The following PCCA variants were observed in gnomAD, a reference collection of about 807,000 sequenced individuals.
PCCA encodes propionyl-CoA carboxylase subunit alpha.
In PCCA, 74 loss-of-function variants were observed where a neutral mutation model predicts 101.3. The ratio of observed to expected loss-of-function variants is 0.73; its 90% CI spans 0.61 to 0.89. The LOEUF (loss-of-function observed/expected upper bound fraction) is 0.89, where lower values mean the gene tolerates loss of function less well. Among genes scored for constraint, PCCA ranks in the 40% least tolerant of loss-of-function variants. The probability of loss-of-function intolerance (pLI) is 0.00; values close to 1 mark genes in which losing one functional copy is unlikely to be tolerated. For synonymous variants in PCCA, 294 were observed against 313.6 expected, an observed-to-expected ratio of 0.94 and a Z score of 0.66; for missense variants, 891 against 907.0, an observed-to-expected ratio of 0.98 and a Z score of 0.23.
intron 1 of PCCA, among the ~76,000 whole-genome samples, chr13:100,097,159 A>C (rs534283752): frequency 3.0e-4 from 46 of 152,290 alleles, no homozygotes; most frequent in Admixed American, 1.4e-3. Flanking sequence ...CAAGGTCGCT[A>C]TTGTGTGATT....
intron 21 of PCCA, among the ~76,000 whole-genome samples, chr13:100,505,420 G>A (rs1191720711): frequency 5.3e-5 from 8 of 152,164 alleles, no homozygotes; most frequent in Non-Finnish European, 1.0e-4. Flanking sequence ...CTCTGAACAC[G>A]GAATCAACTT....
At chr13:100,115,631 A>G (rs774728065) in intron 4 of PCCA, among the ~76,000 whole-genome samples, 3 of 152,212 alleles carry the variant, frequency 2.0e-5, no homozygotes, top group African/African-American at 4.8e-5. Context: ...GCTGAAATGT[A>G]GATGCAGTAC....
chr13:100,308,869 A>C (rs963051345), intron 15 of PCCA, among the ~76,000 whole-genome samples: 2 of 152,204 alleles, frequency 1.3e-5, no homozygotes, highest in African/African-American at 4.8e-5. Context: ...TATAACTGCC[A>C]GAAAAATCTT....
At chr13:100,347,446 C>T (rs1249418168) in intron 18 of PCCA, among the ~76,000 whole-genome samples, 1 of 152,100 alleles carries the variant, frequency 6.6e-6, no homozygotes, top group Non-Finnish European at 1.5e-5. Context: ...CTTGTGAAAA[C>T]CTTTTTCCTA....
At chr13:100,152,082 G>A (rs2152376924) in intron 4 of PCCA, among the ~76,000 whole-genome samples, 1 of 152,254 alleles carries the variant, frequency 6.6e-6, no homozygotes, top group African/African-American at 2.4e-5. Context: ...GTTCTTTCCA[G>A]GTTGACTCTT....
chr13:100,115,030 G>A (rs1232730775), intron 4 of PCCA, among the ~76,000 whole-genome samples: 1 of 152,190 alleles, frequency 6.6e-6, no homozygotes, highest in Non-Finnish European at 1.5e-5. Context: ...GGCAACTTAA[G>A]TATCCATCAA....
At chr13:100,482,461 G>A (rs1296382691) in intron 21 of PCCA, among the ~76,000 whole-genome samples, 1 of 152,186 alleles carries the variant, frequency 6.6e-6, no homozygotes, top group Non-Finnish European at 1.5e-5. Flanking sequence ...TGAGAAGAGC[G>A]CTGTCTTGTG....
intron 21 of PCCA, among the ~76,000 whole-genome samples, chr13:100,487,479 T>C (rs1346053089): frequency 6.6e-6 from 1 of 152,232 alleles, no homozygotes; most frequent in Non-Finnish European, 1.5e-5. Context: ...GTTGATTGTG[T>C]GTGTGGTGTG....
chr13:100,287,436 C>T (rs765825632), intron 12 of PCCA, among the ~76,000 whole-genome samples: 1 of 151,904 alleles, frequency 6.6e-6, no homozygotes, highest in African/African-American at 2.4e-5. Flanking sequence ...AAAATATGTT[C>T]TTTTTTTCCC....
chr13:100,402,816 G>A (rs2077450526), intron 19 of PCCA, among the ~76,000 whole-genome samples: 1 of 152,078 alleles, frequency 6.6e-6, no homozygotes. Flanking sequence ...CATGGAAGAT[G>A]GATGGTAGAA....
At chr13:100,400,652 G>GTTT (rs2077301057) in intron 19 of PCCA, among the ~76,000 whole-genome samples, 1 of 68,002 alleles carries the variant, frequency 1.5e-5, no homozygotes, top group African/African-American at 8.0e-5. Context: ...TTTTTTGAGA[G>GTTT]TTTTGCTCTT....
At chr13:100,350,120 A>G (rs1350785974) in intron 18 of PCCA, among the ~76,000 whole-genome samples, 2 of 152,230 alleles carry the variant, frequency 1.3e-5, no homozygotes, top group Non-Finnish European at 2.9e-5. Flanking sequence ...AAACATAGAA[A>G]AAAGTAACCG....
chr13:100,181,366 G>T (rs2056763734), intron 6 of PCCA, among the ~76,000 whole-genome samples: 3 of 152,182 alleles, frequency 2.0e-5, no homozygotes, highest in Admixed American at 2.0e-4. Flanking sequence ...GTAGGGCACA[G>T]AACTTGCCTT....
intron 2 of PCCA, chr13:100,104,410 C>T (rs2047563553): frequency 6.6e-6 from 1 of 152,104 alleles, no homozygotes; most frequent in Non-Finnish European, 1.5e-5. Flanking sequence ...GTGATTGGAT[C>T]ATGGGGGCAG....
intron 19 of PCCA, among the ~76,000 whole-genome samples, chr13:100,388,248 C>A (rs546968770): frequency 6.6e-6 from 1 of 152,152 alleles, no homozygotes; most frequent in Non-Finnish European, 1.5e-5. Context: ...GCAGGAGGAT[C>A]GCTTGAGCCT....
chr13:100,128,573 G>T (rs1163914291), intron 4 of PCCA, among the ~76,000 whole-genome samples: 2 of 152,154 alleles, frequency 1.3e-5, no homozygotes, highest in African/African-American at 4.8e-5. Context: ...TGATGGATGA[G>T]AAGGAGTCAG....
intron 2 of PCCA, among the ~76,000 whole-genome samples, chr13:100,106,009 C>CT (rs2047762305): frequency 1.3e-5 from 2 of 151,996 alleles, no homozygotes; most frequent in South Asian, 4.1e-4. Flanking sequence ...TGTAGTTGGC[C>CT]TTTAATTCTT....
chr13:100,389,038 C>G (rs1431883752), intron 19 of PCCA, among the ~76,000 whole-genome samples: 1 of 152,098 alleles, frequency 6.6e-6, no homozygotes, highest in Non-Finnish European at 1.5e-5. Flanking sequence ...CAGTGGTAAT[C>G]AAAAGAGATG....
chr13:100,107,177 A>G (rs2047881420), intron 2 of PCCA, among the ~76,000 whole-genome samples: 1 of 152,260 alleles, frequency 6.6e-6, no homozygotes, highest in South Asian at 2.1e-4. Context: ...TTTATCAGTG[A>G]CTTACATCAT....
Sources: allele counts gnomAD v4.1 joint callset (sites outside exome capture counted in the v4.1 genomes callset), GRCh38; gene constraint gnomAD v4.1.1; transcripts MANE v1.5; gene names NCBI Gene and HGNC (gene_info 2026-07-23, HGNC 2026-07-21).